PDE1C: variants seen among roughly 807,000 people sequenced by gnomAD.
PDE1C encodes dual specificity calcium/calmodulin-dependent 3',5'-cyclic nucleotide phosphodiesterase 1C.
Under a neutral mutation model 93.1 loss-of-function variants are expected in PDE1C, and 62 were observed. The ratio of observed to expected loss-of-function variants is 0.67; its 90% CI spans 0.54 to 0.82. The LOEUF (loss-of-function observed/expected upper bound fraction) is 0.82, where lower values mean the gene tolerates loss of function less well. Ranked by LOEUF, PDE1C falls within the 40% of genes least tolerant of loss-of-function variation. The probability of loss-of-function intolerance (pLI) is 0.00; values close to 1 mark genes in which losing one functional copy is unlikely to be tolerated. For synonymous variants in PDE1C, 325 were observed against 310.1 expected (o/e 1.05, Z -0.50); for missense variants, 742 against 884.6 (o/e 0.84, Z 2.04).
intron 1 of PDE1C, among the ~76,000 whole-genome samples, chr7:32,341,178 T>TTTA (rs1562682190): frequency 1.8e-5 from 2 of 110,568 alleles, no homozygotes; most frequent in African/African-American, 3.2e-5. Context: ...AAAGTCTTTT[T>TTTA]TTTTTTTTTT....
chr7:32,004,196 T>TG (rs1049309280), intron 2 of PDE1C, among the ~76,000 whole-genome samples: 2 of 151,794 alleles, frequency 1.3e-5, no homozygotes, highest in African/African-American at 4.8e-5. Flanking sequence ...TTTAGATACC[T>TG]GGGGAAAACC....
At chr7:31,691,797 T>TAAAAA in the PDE1C span, among the ~76,000 whole-genome samples, 3 of 86,536 alleles carry the variant, frequency 3.5e-5, no homozygotes, top group African/African-American at 4.4e-5. Context: ...ATGTAATGAT[T>TAAAAA]AAAAAAAAAA....
the PDE1C span, among the ~76,000 whole-genome samples, chr7:31,650,814 A>G: frequency 6.6e-6 from 1 of 152,050 alleles, no homozygotes; most frequent in Non-Finnish European, 1.5e-5. Context: ...ACAAACCCTT[A>G]CTCTGGCACT....
chr7:31,674,577 T>C, the PDE1C span, among the ~76,000 whole-genome samples: 1 of 151,700 alleles, frequency 6.6e-6, no homozygotes, highest in East Asian at 1.9e-4. Flanking sequence ...GATAGAAAAA[T>C]TGGACAATGG....
intron 2 of PDE1C, among the ~76,000 whole-genome samples, chr7:31,962,881 A>G (rs531696707): frequency 6.6e-6 from 1 of 152,300 alleles, no homozygotes; most frequent in South Asian, 2.1e-4. Context: ...GAGAACCAAG[A>G]CAAGCTACAA....
intron 1 of PDE1C, among the ~76,000 whole-genome samples, chr7:32,421,902 T>C (rs1423253778): frequency 6.6e-6 from 1 of 152,154 alleles, no homozygotes. Flanking sequence ...GTACCACTGA[T>C]GGCTAGGCAG....
chr7:32,005,466 G>C (rs1300992513), intron 2 of PDE1C, among the ~76,000 whole-genome samples: 2 of 143,714 alleles, frequency 1.4e-5, no homozygotes, highest in African/African-American at 5.1e-5. Flanking sequence ...TGAGGCAGGA[G>C]AATGGTGTGA....
chr7:31,842,112 G>C (rs1425182204), intron 9 of PDE1C, among the ~76,000 whole-genome samples: 1 of 152,072 alleles, frequency 6.6e-6, no homozygotes, highest in Non-Finnish European at 1.5e-5. Context: ...CCAAATATCA[G>C]CACACACTGA....
chr7:32,208,400 T>G (rs1805762018), intron 2 of PDE1C, among the ~76,000 whole-genome samples: 1 of 152,124 alleles, frequency 6.6e-6, no homozygotes, highest in South Asian at 2.1e-4. Flanking sequence ...GACAGCAACA[T>G]TTTTGACTGA....
At chr7:31,846,635 T>C (rs1304460508) in intron 9 of PDE1C, among the ~76,000 whole-genome samples, 1 of 152,150 alleles carries the variant, frequency 6.6e-6, no homozygotes, top group Admixed American at 6.6e-5. Flanking sequence ...AAATGGGATG[T>C]AATTAAACTA....
chr7:32,225,067 G>A (rs1807157536), intron 1 of PDE1C, among the ~76,000 whole-genome samples: 1 of 151,602 alleles, frequency 6.6e-6, no homozygotes, highest in African/African-American at 2.4e-5. Context: ...AAGTATTTGT[G>A]AGTCGGAAAG....
chr7:31,635,945 T>A, the PDE1C span, among the ~76,000 whole-genome samples: 7 of 152,088 alleles, frequency 4.6e-5, no homozygotes, highest in South Asian at 4.1e-4. Flanking sequence ...TAATTTTTTT[T>A]AAAAAAAGAA....
intron 1 of PDE1C, among the ~76,000 whole-genome samples, chr7:32,419,321 C>T (rs1304033658): frequency 2.6e-5 from 4 of 152,130 alleles, no homozygotes; most frequent in Admixed American, 6.6e-5. Flanking sequence ...TAAGACAGAA[C>T]TTGCTAAAAA....
chr7:31,656,452 T>C, the PDE1C span: 1 of 949,804 alleles, frequency 1.1e-6, no homozygotes, highest in Non-Finnish European at 1.3e-6. Flanking sequence ...TCAATGCATG[T>C]TGGCTATTAT....
chr7:31,874,505 C>T (rs1796311320), intron 5 of PDE1C, among the ~76,000 whole-genome samples: 1 of 152,190 alleles, frequency 6.6e-6, no homozygotes, highest in African/African-American at 2.4e-5. Flanking sequence ...GACTCTCACC[C>T]CAGCCCTCAC....
chr7:32,141,238 G>T (rs551062995), intron 3 of PDE1C, among the ~76,000 whole-genome samples: 2 of 152,146 alleles, frequency 1.3e-5, no homozygotes, highest in Non-Finnish European at 2.9e-5. Context: ...CTAAGAAAGC[G>T]AGAGAATAGC....
the PDE1C span, among the ~76,000 whole-genome samples, chr7:31,694,243 A>G: frequency 6.6e-6 from 1 of 152,292 alleles, no homozygotes; most frequent in Admixed American, 6.5e-5. Context: ...TACATTTATG[A>G]AGATGGGAAG....
intron 1 of PDE1C, among the ~76,000 whole-genome samples, chr7:32,353,877 A>G (rs1335824923): frequency 2.0e-5 from 3 of 152,198 alleles, no homozygotes; most frequent in Admixed American, 6.5e-5. Context: ...ACCCAACTGA[A>G]TATCATGACA....
At chr7:31,694,503 A>G in the PDE1C span, among the ~76,000 whole-genome samples, 2 of 152,288 alleles carry the variant, frequency 1.3e-5, no homozygotes, top group South Asian at 2.1e-4. Flanking sequence ...GAACTAGAAA[A>G]TGATAAGAGT....
Sources: gnomAD v4.1 joint callset for allele counts (sites outside exome capture counted in the v4.1 genomes callset) on GRCh38, gnomAD v4.1.1 for gene constraint, MANE v1.5 for transcripts, NCBI Gene and HGNC (gene_info 2026-07-23, HGNC 2026-07-21) for gene names.